The following STAC variants were observed in gnomAD, a reference collection of about 807,000 sequenced individuals.
STAC encodes the protein SH3 and cysteine rich domain.
A neutral mutation model predicts 48.8 loss-of-function variants in STAC; 43 were observed. That is an observed-to-expected ratio of 0.88 (90% CI 0.69 to 1.14). The LOEUF is 1.14. Among genes scored for constraint, STAC ranks in the 50% most tolerant of loss-of-function variants. The probability of loss-of-function intolerance (pLI) is 0.00; values close to 1 mark genes in which losing one functional copy is unlikely to be tolerated. For missense variants in STAC, 497 were observed against 504.0 expected, an observed-to-expected ratio of 0.99 and a Z score of 0.13; for synonymous variants, 193 against 179.5, an observed-to-expected ratio of 1.07 and a Z score of -0.60.
intron 10 of STAC, among the ~76,000 whole-genome samples, chr3:36,543,067 C>T (rs1699367398): frequency 6.6e-6 from 1 of 152,128 alleles, no homozygotes; most frequent in Non-Finnish European, 1.5e-5. Flanking sequence ...TTTTGAAGGA[C>T]TTAGGACTTT....
intron 2 of STAC, among the ~76,000 whole-genome samples, chr3:36,472,935 G>A (rs1697380159): frequency 6.6e-6 from 1 of 152,100 alleles, no homozygotes; most frequent in Non-Finnish European, 1.5e-5. Flanking sequence ...TTTCAGCAAT[G>A]CCCCACTCTA....
At chr3:36,462,119 A>G (rs73067818) in intron 2 of STAC, among the ~76,000 whole-genome samples, 1,962 of 152,268 alleles carry the variant, frequency 0.013, 26 homozygotes, top group South Asian at 0.027. Context: ...AATGACTCCA[A>G]CAGGATTGAT....
At chr3:36,402,705 G>T (rs934030364) in intron 1 of STAC, among the ~76,000 whole-genome samples, 6 of 152,228 alleles carry the variant, frequency 3.9e-5, no homozygotes, top group South Asian at 2.1e-4. Flanking sequence ...GGAATAATAA[G>T]AAGGAGTATA....
In STAC at chr3:36,398,295, A is replaced by AAAAGAAAGAAAGAAAGAAAG. The variant is rs1217994053; in HGVS notation, c.111+17546_111+17565dup. On this transcript the variant is annotated intron_variant, in intron 1 of 10. Coordinates refer to ENST00000273183, the MANE Select transcript of STAC (RefSeq NM_003149.3). ...ACTGCCATCTATGAAGGTATGTTAA[A>AAAAGAAAGAAAGAAAGAAAG]AAAGAAAGAAAGAAAGAAAGAAAGC... 2.0e-4 allele frequency among the ~76,000 whole-genome samples: 23 copies of AAAAGAAAGAAAGAAAGAAAG among 117,082 alleles called. 1 individual carries two copies. The highest frequency in any genetic ancestry group is 3.9e-4 in the Admixed American group (4 of 10,296). The allele number at this position is 117,082 out of a possible 152,430, so 76.8% of individuals were successfully genotyped here. A position where few individuals can be genotyped will look rare whatever the true frequency, so the allele number is the denominator to read the frequency against.
chr3:36,401,333 G>C (rs1699995605), intron 1 of STAC, among the ~76,000 whole-genome samples: 1 of 152,196 alleles, frequency 6.6e-6, no homozygotes. Flanking sequence ...TATATTCTTA[G>C]AGGGTTTCTT....
chr3:36,540,964 C>T (rs530412850), intron 10 of STAC, among the ~76,000 whole-genome samples: 68 of 152,214 alleles, frequency 4.5e-4, no homozygotes, highest in Non-Finnish European at 7.8e-4. Context: ...CTATTTTACT[C>T]CTATAATAAA....
chr3:36,409,605 C>T, intron 1 of STAC: 1 of 152,098 alleles, frequency 6.6e-6, no homozygotes, highest in South Asian at 2.1e-4. Flanking sequence ...GTGCTGAGAG[C>T]AACACAAATG....
intron 2 of STAC, among the ~76,000 whole-genome samples, chr3:36,469,132 T>TATTTGTTGA (rs2125689982): frequency 1.3e-5 from 2 of 152,134 alleles, no homozygotes; most frequent in South Asian, 4.1e-4. Flanking sequence ...TTCATCGTGC[T>TATTTGTTGA]ATTTGTTGAC....
chr3:36,389,971 G>T (rs1049947704), intron 1 of STAC, among the ~76,000 whole-genome samples: 3 of 140,160 alleles, frequency 2.1e-5, no homozygotes, highest in African/African-American at 6.0e-5. Flanking sequence ...CTTTCATTTG[G>T]GGGGGAAGGG....
At chr3:36,407,464 T>C (rs1191780239) in intron 1 of STAC, among the ~76,000 whole-genome samples, 1 of 152,226 alleles carries the variant, frequency 6.6e-6, no homozygotes, top group Non-Finnish European at 1.5e-5. Flanking sequence ...ATGACTAATT[T>C]GTCATAGCCA....
intron 2 of STAC, among the ~76,000 whole-genome samples, chr3:36,462,122 G>A (rs1399934803): frequency 6.6e-6 from 1 of 152,112 alleles, no homozygotes. Context: ...GACTCCAACA[G>A]GATTGATTTT....
At chr3:36,472,161 A>G (rs1697357332) in intron 2 of STAC, among the ~76,000 whole-genome samples, 1 of 152,214 alleles carries the variant, frequency 6.6e-6, no homozygotes, top group Non-Finnish European at 1.5e-5. Flanking sequence ...AACACCACAT[A>G]GAAGCTGCCA....
chr3:36,455,072 G>A (rs1696813231), intron 2 of STAC, among the ~76,000 whole-genome samples: 1 of 152,228 alleles, frequency 6.6e-6, no homozygotes, highest in Non-Finnish European at 1.5e-5. Flanking sequence ...AGACCAGAAA[G>A]GGGAGAGTGT....
chr3:36,384,665 C>T (rs1283128497), intron 1 of STAC, among the ~76,000 whole-genome samples: 1 of 152,108 alleles, frequency 6.6e-6, no homozygotes, highest in East Asian at 1.9e-4. Flanking sequence ...GACTTCACTT[C>T]AGCTATTTTG....
At chr3:36,453,087 A>G (rs1432889649) in intron 2 of STAC, among the ~76,000 whole-genome samples, 1 of 152,248 alleles carries the variant, frequency 6.6e-6, no homozygotes, top group Admixed American at 6.5e-5. Flanking sequence ...GAACTGTTGG[A>G]GTCTAGTTTA....
At chr3:36,533,503 C>G (rs1315954734) in intron 10 of STAC, among the ~76,000 whole-genome samples, 1 of 40,130 alleles carries the variant, frequency 2.5e-5, no homozygotes, top group Non-Finnish European at 5.2e-5. Flanking sequence ...TTTTTTTTTT[C>G]AGAATAATCT....
At chr3:36,419,384 CCT>C (rs1355454234) in intron 1 of STAC, among the ~76,000 whole-genome samples, 1 of 152,124 alleles carries the variant, frequency 6.6e-6, no homozygotes, top group Non-Finnish European at 1.5e-5. Context: ...AAGGGAAAAA[CCT>C]CTCCTTCACC....
At chr3:36,504,311 A>G in intron 6 of STAC, 82 bp from the exon 7 acceptor site, 1 of 1,304,610 alleles carries the variant, frequency 7.7e-7, no homozygotes, top group Non-Finnish European at 1.1e-6. Flanking sequence ...GGTACTTAGA[A>G]TAAATAAAGC....
intron 4 of STAC, among the ~76,000 whole-genome samples, chr3:36,485,533 T>G (rs1235165641): frequency 2.6e-5 from 4 of 152,248 alleles, no homozygotes; most frequent in Non-Finnish European, 5.9e-5. Flanking sequence ...TATATTATTC[T>G]CTAATGCAGA....
Sources: gnomAD v4.1 joint callset for allele counts (sites outside exome capture counted in the v4.1 genomes callset) on GRCh38, gnomAD v4.1.1 for gene constraint, MANE v1.5 for transcripts, NCBI Gene and HGNC (gene_info 2026-07-23, HGNC 2026-07-21) for gene names.